KLF8: variants seen among roughly 807,000 people sequenced by gnomAD.
The protein encoded by KLF8 is Krueppel-like factor 8.
In KLF8, 10 loss-of-function variants were observed where a neutral mutation model predicts 18.2. The observed-to-expected ratio is 0.55, with a 90% CI of 0.34 to 0.93. The LOEUF is 0.93. KLF8 is among the 40% of genes least tolerant of loss of function. The pLI, the probability that KLF8 is intolerant of heterozygous loss-of-function variation, is 0.02. For missense variants in KLF8, 264 were observed against 277.9 expected, an observed-to-expected ratio of 0.95 and a Z score of 0.36; for synonymous variants, 109 against 97.3, an observed-to-expected ratio of 1.12 and a Z score of -0.71.
the KLF8 span, among the ~76,000 whole-genome samples, chrX:56,031,357 A>G: frequency 5.3e-5 from 6 of 112,241 alleles, no homozygotes; most frequent in African/African-American, 9.7e-5. Context: ...AAGTCAAGTC[A>G]AAACCAGAAC....
the KLF8 span, among the ~76,000 whole-genome samples, chrX:55,960,771 A>G: frequency 9.8e-5 from 11 of 112,255 alleles, no homozygotes; most frequent in Admixed American, 1.0e-3. Context: ...CTGTAGAGGA[A>G]CTATGCAATC....
At chrX:56,007,842 G>A in the KLF8 span, among the ~76,000 whole-genome samples, 1 of 111,124 alleles carries the variant, frequency 9.0e-6, no homozygotes, top group African/African-American at 3.3e-5. Context: ...CTTAGCTAAG[G>A]GATGCTGGGC....
the KLF8 span, among the ~76,000 whole-genome samples, chrX:56,160,168 G>C: frequency 8.9e-6 from 1 of 111,884 alleles, no homozygotes; most frequent in Non-Finnish European, 1.9e-5. Context: ...TTCAGGAGCA[G>C]GTTGTTTAGT....
the KLF8 span, among the ~76,000 whole-genome samples, chrX:56,137,133 A>G: frequency 2.6e-4 from 29 of 110,014 alleles, no homozygotes; most frequent in Admixed American, 2.3e-3. Flanking sequence ...GTGGAGAAAT[A>G]GGAACACTTT....
the KLF8 span, among the ~76,000 whole-genome samples, chrX:56,156,314 T>C: frequency 5.4e-5 from 6 of 111,141 alleles, no homozygotes; most frequent in South Asian, 2.3e-3. Flanking sequence ...AGGTTTTCTG[T>C]ACAGATTATT....
At chrX:56,062,642 G>A in the KLF8 span, among the ~76,000 whole-genome samples, 1 of 111,175 alleles carries the variant, frequency 9.0e-6, no homozygotes, top group African/African-American at 3.3e-5. Flanking sequence ...CACCCTTGGT[G>A]AATCTGATGA....
chrX:55,952,011 T>A, the KLF8 span, among the ~76,000 whole-genome samples: 1 of 112,323 alleles, frequency 8.9e-6, no homozygotes, highest in African/African-American at 3.2e-5. Flanking sequence ...CTGAGTAAGA[T>A]AACAGTTAGT....
the KLF8 span, among the ~76,000 whole-genome samples, chrX:55,994,259 G>A: frequency 9.2e-6 from 1 of 108,476 alleles, no homozygotes; most frequent in East Asian, 2.9e-4. Flanking sequence ...TATTTCTGTA[G>A]CATTGGTGGT....
chrX:56,011,954 A>G, the KLF8 span, among the ~76,000 whole-genome samples: 3 of 111,063 alleles, frequency 2.7e-5, no homozygotes, highest in Non-Finnish European at 5.7e-5. Flanking sequence ...TGAAATTCAG[A>G]CCGTAATAAT....
the KLF8 span, among the ~76,000 whole-genome samples, chrX:56,044,806 T>C: frequency 1.9e-3 from 212 of 112,625 alleles, no homozygotes; most frequent in African/African-American, 6.6e-3. Flanking sequence ...TGAGGTGCTG[T>C]GGAAGAGGAG....
chrX:56,015,027 A>G, the KLF8 span: 1 of 109,553 alleles, frequency 9.1e-6, no homozygotes, highest in Non-Finnish European at 1.9e-5. Context: ...GCATCAGGAA[A>G]TTCACTAATA....
the KLF8 span, among the ~76,000 whole-genome samples, chrX:56,160,866 A>G: frequency 9.0e-6 from 1 of 111,326 alleles, no homozygotes; most frequent in Admixed American, 9.6e-5. Context: ...GTGTCTTTTA[A>G]TTGGAGCATC....
At chrX:56,204,591 T>C in the KLF8 span, among the ~76,000 whole-genome samples, 1 of 111,342 alleles carries the variant, frequency 9.0e-6, no homozygotes, top group African/African-American at 3.3e-5. Context: ...TTGAGGTATG[T>C]TACTTGTTTC....
At chrX:56,189,009 A>G in the KLF8 span, among the ~76,000 whole-genome samples, 6 of 111,779 alleles carry the variant, frequency 5.4e-5, no homozygotes, top group Non-Finnish European at 9.4e-5. Context: ...CAAAAGCAAA[A>G]ATTGACAAAT....
the KLF8 span, among the ~76,000 whole-genome samples, chrX:56,027,971 G>C: frequency 3.6e-5 from 4 of 112,335 alleles, no homozygotes; most frequent in East Asian, 1.1e-3. Context: ...TTTGCCCAAG[G>C]GTTAGCTTAT....
At chrX:56,095,261 AT>A in the KLF8 span, among the ~76,000 whole-genome samples, 1 of 112,401 alleles carries the variant, frequency 8.9e-6, no homozygotes, top group Non-Finnish European at 1.9e-5. Flanking sequence ...GGAAAATTAA[AT>A]GGCTACATGC....
At chrX:56,212,896 G>A in the KLF8 span, among the ~76,000 whole-genome samples, 8 of 111,917 alleles carry the variant, frequency 7.1e-5, no homozygotes, top group African/African-American at 2.6e-4. Flanking sequence ...CTCAGCATGA[G>A]TAGGTCTTTT....
chrX:56,289,781 C>T lies in KLF8; in HGVS notation c.*5287C>T, dbSNP rs1387275435. Among the ~76,000 whole-genome samples the T allele has an allele frequency of 3.6e-5, 4 of 111,610 alleles. No individual in the cohort carries two copies. The South Asian group carries it at 1.1e-3, about 31-fold the overall frequency. On this transcript the variant is annotated 3_prime_UTR_variant, in exon 6 of 6. Transcript: ENST00000468660. ...GGAAACAACTTTATCAACTACAGCA[C>T]AGTGTGTATGTACATAAAAATAGTA...
the KLF8 span, among the ~76,000 whole-genome samples, chrX:56,226,671 C>T: frequency 8.9e-6 from 1 of 112,011 alleles, no homozygotes; most frequent in East Asian, 2.8e-4. Flanking sequence ...TACTCCTGGC[C>T]ATTTAGTTGT....
Sources: gnomAD v4.1 joint callset for allele counts (sites outside exome capture counted in the v4.1 genomes callset) on GRCh38, gnomAD v4.1.1 for gene constraint, MANE v1.5 for transcripts, NCBI Gene and HGNC (gene_info 2026-07-23, HGNC 2026-07-21) for gene names.